The following IL1RAPL1 variants were observed in gnomAD, a reference collection of about 807,000 sequenced individuals.
IL1RAPL1 encodes the protein interleukin 1 receptor accessory protein like 1.
Under a neutral mutation model 48.4 loss-of-function variants are expected in IL1RAPL1, and 3 were observed. The ratio of observed to expected loss-of-function variants is 0.06; its 90% confidence interval spans 0.03 to 0.16. The LOEUF is 0.16. IL1RAPL1 is among the 10% of genes least tolerant of loss of function. IL1RAPL1 has a pLI of 1.00. For missense variants in IL1RAPL1, 349 were observed against 530.6 expected (o/e 0.66, Z 3.36); for synonymous variants, 185 against 187.7 (o/e 0.99, Z 0.12).
chrX:29,728,607 C>T (rs1229652997), intron 6 of IL1RAPL1, among the ~76,000 whole-genome samples: 5 of 112,380 alleles, frequency 4.4e-5, no homozygotes, highest in Admixed American at 9.4e-5. Context: ...CTCCCCCAGA[C>T]GTGGACATTG....
chrX:29,223,820 A>G (rs1395945756), intron 2 of IL1RAPL1, among the ~76,000 whole-genome samples: 2 of 110,848 alleles, frequency 1.8e-5, no homozygotes, highest in African/African-American at 6.6e-5. Flanking sequence ...TGGGATTACA[A>G]GTGTGAGCCA....
At chrX:29,156,012 A>G (rs1162067360) in intron 2 of IL1RAPL1, among the ~76,000 whole-genome samples, 3 of 111,169 alleles carry the variant, frequency 2.7e-5, no homozygotes, top group Non-Finnish European at 3.8e-5. Flanking sequence ...ATACATTTGT[A>G]ATTCATTATT....
intron 6 of IL1RAPL1, among the ~76,000 whole-genome samples, chrX:29,828,484 G>C (rs192065650): frequency 1.2e-4 from 13 of 111,666 alleles, no homozygotes; most frequent in Non-Finnish European, 2.4e-4. Flanking sequence ...TTTGATAATG[G>C]AACAGACAGA....
rs1263065907 is a variant in IL1RAPL1 at position 29,941,703 on chromosome X, G to T, written c.1110G>T (p.Leu370=). The change falls in exon 9 of 11, where the codon CTG becomes CTT. Residue 370 remains leucine (L), a synonymous_variant. Coordinates refer to ENST00000378993, the MANE Select transcript of IL1RAPL1 (RefSeq NM_014271.4). ...GAGGCCTTGGTGCTATACTCTTGCT[G>T]CTTGTATGTTTGGTGACCATCTACA... The part of the protein sequence containing the change: ...LAGGLGAILL[L]LVCLVTIYKC... 1.7e-6 allele frequency: 2 copies of T among 1,208,203 alleles called. No individual in the cohort carries two copies. Among genetic ancestry groups the T allele is most frequent in the Non-Finnish European group, 2.2e-6 (2 of 892,223 alleles).
Position 29,315,296 on chromosome X carries a change from C to T in IL1RAPL1, c.362+32079C>T, listed in dbSNP as rs191369596. On this transcript the variant is annotated intron_variant, in intron 3 of 10. Transcript: ENST00000378993. ...AAGAATATTCGGTGTTTATAACAAA[C>T]GGGATAATTCCAACCAGAGGATGGA... Among the ~76,000 whole-genome samples the T allele has an allele frequency of 9.0e-5, 10 of 111,596 alleles. No individual in the cohort carries two copies. The East Asian group carries it at 2.5e-3, about 28-fold the overall frequency.
intron 5 of IL1RAPL1, among the ~76,000 whole-genome samples, chrX:29,435,039 G>T (rs1934466719): frequency 9.0e-6 from 1 of 111,038 alleles, no homozygotes; most frequent in Non-Finnish European, 1.9e-5. Context: ...AATATTTCAT[G>T]TAAACAGAAT....
chrX:29,171,063 C>A (rs913943868), intron 2 of IL1RAPL1, among the ~76,000 whole-genome samples: 1 of 111,131 alleles, frequency 9.0e-6, no homozygotes, highest in African/African-American at 3.3e-5. Context: ...GTGGCACGAT[C>A]TCGGCTCACT....
intron 6 of IL1RAPL1, among the ~76,000 whole-genome samples, chrX:29,679,780 A>G (rs1926396067): frequency 8.9e-6 from 1 of 111,997 alleles, no homozygotes; most frequent in Non-Finnish European, 1.9e-5. Flanking sequence ...AGTGAATCTT[A>G]TATTAGATGA....
chrX:29,357,854 C>T (rs1406906814), intron 3 of IL1RAPL1, among the ~76,000 whole-genome samples: 1 of 111,718 alleles, frequency 9.0e-6, no homozygotes, highest in East Asian at 2.8e-4. Flanking sequence ...CCGGGGAAAA[C>T]GATGTCATTT....
intron 6 of IL1RAPL1, among the ~76,000 whole-genome samples, chrX:29,907,640 A>G (rs1163476937): frequency 2.7e-5 from 3 of 111,804 alleles, no homozygotes; most frequent in African/African-American, 9.7e-5. Flanking sequence ...GTTTTTTTAT[A>G]ATTGTTTTAA....
intron 1 of IL1RAPL1, among the ~76,000 whole-genome samples, chrX:28,727,978 A>C (rs966005341): frequency 3.6e-5 from 4 of 110,674 alleles, no homozygotes; most frequent in Non-Finnish European, 7.6e-5. Flanking sequence ...CTAGATGACG[A>C]GTTAGTGGGT....
At chrX:29,845,248 G>A (rs891833316) in intron 6 of IL1RAPL1, among the ~76,000 whole-genome samples, 4 of 111,585 alleles carry the variant, frequency 3.6e-5, no homozygotes, top group African/African-American at 1.3e-4. Flanking sequence ...AGGAAAAGCA[G>A]TATAGGCAGA....
intron 2 of IL1RAPL1, among the ~76,000 whole-genome samples, chrX:29,204,605 G>A (rs1930626418): frequency 8.9e-6 from 1 of 111,752 alleles, no homozygotes; most frequent in Non-Finnish European, 1.9e-5. Flanking sequence ...GTCAAGTGAT[G>A]TTATGTATTC....
At position 29,586,946 on chromosome X, in the gene IL1RAPL1, T is replaced by G. The variant is rs1923188552; in HGVS notation, c.704-81484T>G. ...TTTGGTGGAATCTTTAAGATTTTCT[T>G]TATATAAAATGTTGTCATTTGCTAA... On this transcript the variant is annotated intron_variant, in intron 5 of 10. Coordinates refer to ENST00000378993, the MANE Select transcript of IL1RAPL1 (RefSeq NM_014271.4). Among the ~76,000 whole-genome samples the G allele has an allele frequency of 2.8e-5, 3 of 107,187 alleles. No homozygotes were observed. The Admixed American group carries it at 3.0e-4, about 11-fold the overall frequency. The allele number at this position is 107,187 out of a possible 115,157, so 93.1% of individuals were successfully genotyped here.
At chrX:29,097,923 C>T (rs5985816) in intron 2 of IL1RAPL1, among the ~76,000 whole-genome samples, 25,760 of 110,964 alleles carry the variant, frequency 0.23, 2,816 homozygotes, top group African/African-American at 0.43. Flanking sequence ...TTCTTTTGAT[C>T]GTGGGCAGAA....
chrX:28,705,635 G>T (rs1265313823), intron 1 of IL1RAPL1, among the ~76,000 whole-genome samples: 1 of 111,540 alleles, frequency 9.0e-6, no homozygotes, highest in African/African-American at 3.3e-5. Context: ...TATTCCAGTG[G>T]AGTGGCCAAC....
At chrX:29,865,355 C>T (rs141910259) in intron 6 of IL1RAPL1, among the ~76,000 whole-genome samples, 123 of 111,456 alleles carry the variant, frequency 1.1e-3, no homozygotes, top group African/African-American at 3.9e-3. Flanking sequence ...GTGTGATATA[C>T]GTTGTATATT....
intron 5 of IL1RAPL1, among the ~76,000 whole-genome samples, chrX:29,450,714 A>G (rs1934669439): frequency 8.9e-6 from 1 of 111,890 alleles, no homozygotes; most frequent in African/African-American, 3.2e-5. Flanking sequence ...ATCTGATGCA[A>G]CCGTTCCTAT....
At chrX:28,599,175 G>A (rs1229978936) in intron 1 of IL1RAPL1, among the ~76,000 whole-genome samples, 1 of 106,975 alleles carries the variant, frequency 9.3e-6, no homozygotes, top group African/African-American at 3.4e-5. Context: ...AACCTGGGAG[G>A]TGGAGGTTGC....
Sources: gnomAD v4.1 joint callset for allele counts (sites outside exome capture counted in the v4.1 genomes callset) on GRCh38, gnomAD v4.1.1 for gene constraint, MANE v1.5 for transcripts, NCBI Gene and HGNC (gene_info 2026-07-23, HGNC 2026-07-21) for gene names.